Variants in MGAT4C observed in about 807,000 individuals in gnomAD.
MGAT4C encodes alpha-1,3-mannosyl-glycoprotein 4-beta-N-acetylglucosaminyltransferase C.
A neutral mutation model predicts 40.1 loss-of-function variants in MGAT4C; 19 were observed. The ratio of observed to expected loss-of-function variants is 0.47; its 90% CI spans 0.33 to 0.70. The LOEUF is 0.70. Ranked by LOEUF, MGAT4C falls within the 30% of genes least tolerant of loss-of-function variation. The probability of loss-of-function intolerance (pLI) is 0.02; values close to 1 mark genes in which losing one functional copy is unlikely to be tolerated. For missense variants in MGAT4C, 491 were observed against 563.2 expected, an observed-to-expected ratio of 0.87 and a Z score of 1.30; for synonymous variants, 181 against 187.1, an observed-to-expected ratio of 0.97 and a Z score of 0.27.
chr12:86,077,198 C>G (rs1018217167), intron 1 of MGAT4C, among the ~76,000 whole-genome samples: 1 of 152,156 alleles, frequency 6.6e-6, no homozygotes, highest in African/African-American at 2.4e-5. Flanking sequence ...TTAACCATCA[C>G]AAGTCCACCA....
chr12:86,234,863 C>T (rs945355794), intron 1 of MGAT4C, among the ~76,000 whole-genome samples: 1 of 151,846 alleles, frequency 6.6e-6, no homozygotes, highest in South Asian at 2.1e-4. Context: ...TGTTTTTTTC[C>T]CACACATGAA....
intron 1 of MGAT4C, among the ~76,000 whole-genome samples, chr12:86,174,124 T>TGC (rs1555238507): frequency 5.6e-5 from 8 of 143,810 alleles, no homozygotes; most frequent in Non-Finnish European, 1.1e-4. Flanking sequence ...CACACACACA[T>TGC]ACACACACAC....
At chr12:86,734,867 G>GT (rs1333044882) in intron 1 of MGAT4C, among the ~76,000 whole-genome samples, 1 of 152,066 alleles carries the variant, frequency 6.6e-6, no homozygotes, top group Non-Finnish European at 1.5e-5. Flanking sequence ...AAAAGATTAT[G>GT]TAGTTACCAT....
intron 1 of MGAT4C, among the ~76,000 whole-genome samples, chr12:86,245,737 C>A (rs1413714226): frequency 6.6e-6 from 1 of 152,120 alleles, no homozygotes; most frequent in Non-Finnish European, 1.5e-5. Flanking sequence ...CTTTGTTTTT[C>A]AAACTATTTT....
chr12:86,797,692 A>T (rs1013160995), intron 1 of MGAT4C, among the ~76,000 whole-genome samples: 12 of 151,948 alleles, frequency 7.9e-5, no homozygotes, highest in African/African-American at 2.9e-4. Context: ...TAATTTAAAC[A>T]GTTCTCCTGA....
At chr12:86,376,556 T>C (rs1156424278) in intron 3 of MGAT4C, among the ~76,000 whole-genome samples, 2 of 152,070 alleles carry the variant, frequency 1.3e-5, no homozygotes, top group African/African-American at 4.8e-5. Context: ...AATGACTAAA[T>C]GGGAGAGGCT....
chr12:86,389,166 G>C (rs1243205094), intron 3 of MGAT4C, among the ~76,000 whole-genome samples: 3 of 152,108 alleles, frequency 2.0e-5, no homozygotes, highest in Non-Finnish European at 4.4e-5. Flanking sequence ...GTACCCACTA[G>C]TTATTTTTCC....
At chr12:86,413,366 G>A (rs891524728) in intron 3 of MGAT4C, among the ~76,000 whole-genome samples, 8 of 152,178 alleles carry the variant, frequency 5.3e-5, no homozygotes, top group Non-Finnish European at 1.2e-4. Flanking sequence ...GAAACAAGAT[G>A]TTGAGCCTTA....
At chr12:86,057,707 C>A (rs1035942658) in intron 1 of MGAT4C, among the ~76,000 whole-genome samples, 2 of 152,118 alleles carry the variant, frequency 1.3e-5, no homozygotes, top group African/African-American at 2.4e-5. Flanking sequence ...AACGCTGTAA[C>A]CTCAAGGGCA....
chr12:86,687,490 C>T (rs1333501809), intron 2 of MGAT4C, among the ~76,000 whole-genome samples: 1 of 152,112 alleles, frequency 6.6e-6, no homozygotes, highest in African/African-American at 2.4e-5. Context: ...ATCAATTTCC[C>T]TCTTAACACT....
chr12:86,024,448 T>C (rs1890067929), intron 2 of MGAT4C, among the ~76,000 whole-genome samples: 1 of 151,846 alleles, frequency 6.6e-6, no homozygotes, highest in Admixed American at 6.6e-5. Context: ...AATTGTCTTC[T>C]AAGCCTAACA....
At chr12:86,571,999 C>T (rs1425363724) in intron 2 of MGAT4C, among the ~76,000 whole-genome samples, 1 of 152,076 alleles carries the variant, frequency 6.6e-6, no homozygotes, top group African/African-American at 2.4e-5. Context: ...CTTCCAACAA[C>T]TTAAAGCGAT....
At chr12:86,233,740 T>C (rs1172314288) in intron 1 of MGAT4C, among the ~76,000 whole-genome samples, 1 of 152,158 alleles carries the variant, frequency 6.6e-6, no homozygotes, top group African/African-American at 2.4e-5. Flanking sequence ...AAAGAAAAAC[T>C]CATGAAAATA....
intron 2 of MGAT4C, among the ~76,000 whole-genome samples, chr12:85,991,594 C>T (rs1464971044): frequency 1.3e-5 from 2 of 152,174 alleles, no homozygotes; most frequent in East Asian, 1.9e-4. Context: ...TTCCCGCACT[C>T]GTGGGCGCTT....
At chr12:86,742,626 C>T (rs1951085385) in intron 1 of MGAT4C, among the ~76,000 whole-genome samples, 1 of 151,334 alleles carries the variant, frequency 6.6e-6, no homozygotes, top group Admixed American at 6.6e-5. Context: ...GACCTGAAGA[C>T]TACTGAGATT....
At chr12:86,721,446 C>A (rs894325843) in intron 2 of MGAT4C, among the ~76,000 whole-genome samples, 2 of 151,864 alleles carry the variant, frequency 1.3e-5, no homozygotes, top group Non-Finnish European at 2.9e-5. Flanking sequence ...AGTAGACTAG[C>A]GCAATTCATC....
chr12:86,600,628 T>G (rs1961732448), intron 2 of MGAT4C, among the ~76,000 whole-genome samples: 1 of 152,196 alleles, frequency 6.6e-6, no homozygotes, highest in African/African-American at 2.4e-5. Flanking sequence ...ATCATAATGA[T>G]GGCAGCAGTG....
At chr12:86,000,771 T>C (rs1214874937) in intron 2 of MGAT4C, among the ~76,000 whole-genome samples, 2 of 152,152 alleles carry the variant, frequency 1.3e-5, no homozygotes, top group African/African-American at 4.8e-5. Context: ...TTAGAAATAA[T>C]GTTAAGCATC....
intron 1 of MGAT4C, among the ~76,000 whole-genome samples, chr12:86,184,374 TAAA>T (rs748584520): frequency 1.4e-5 from 2 of 138,320 alleles, no homozygotes; most frequent in African/African-American, 2.7e-5. Flanking sequence ...AGACTCCGTT[TAAA>T]AAAAAAAAAA....
Sources: allele counts gnomAD v4.1 joint callset (sites outside exome capture counted in the v4.1 genomes callset), GRCh38; gene constraint gnomAD v4.1.1; transcripts MANE v1.5; gene names NCBI Gene and HGNC (gene_info 2026-07-23, HGNC 2026-07-21).